Variants in PTDSS1 observed in about 807,000 individuals in gnomAD.
PTDSS1 encodes the protein PSS-1.
A neutral mutation model predicts 70.5 loss-of-function variants in PTDSS1; 45 were observed. The observed-to-expected ratio is 0.64, with a 90% confidence interval of 0.50 to 0.82. The LOEUF is 0.82. Ranked by LOEUF, PTDSS1 falls within the 40% of genes least tolerant of loss-of-function variation. The pLI, the probability that PTDSS1 is intolerant of heterozygous loss-of-function variation, is 0.00. For missense variants in PTDSS1, 417 were observed against 586.1 expected, an observed-to-expected ratio of 0.71 and a Z score of 2.98; for synonymous variants, 188 against 203.8, an observed-to-expected ratio of 0.92 and a Z score of 0.66.
intron 1 of PTDSS1, among the ~76,000 whole-genome samples, chr8:96,271,440 G>A (rs1216533768): frequency 1.3e-5 from 2 of 151,932 alleles, no homozygotes; most frequent in Non-Finnish European, 1.5e-5. Context: ...TTCTTTACTC[G>A]GTCTCTTTTT....
At chr8:96,279,917 T>C (rs1412606246) in intron 2 of PTDSS1, among the ~76,000 whole-genome samples, 2 of 152,188 alleles carry the variant, frequency 1.3e-5, no homozygotes, top group African/African-American at 4.8e-5. Context: ...CAAATTTTCC[T>C]AGAAGAACTC....
At chr8:96,270,795 C>T (rs1003547228) in intron 1 of PTDSS1, among the ~76,000 whole-genome samples, 55 of 152,064 alleles carry the variant, frequency 3.6e-4, no homozygotes, top group African/African-American at 1.3e-3. Context: ...TATTTTATTC[C>T]GTTTAATCAA....
At chr8:96,325,630 AC>A (rs1281443095) in intron 10 of PTDSS1, among the ~76,000 whole-genome samples, 1 of 152,050 alleles carries the variant, frequency 6.6e-6, no homozygotes, top group Non-Finnish European at 1.5e-5. Context: ...CTGTCAGGAC[AC>A]CCATTTTCTT....
chr8:96,289,430 CTG>C (rs1368969655), intron 4 of PTDSS1, among the ~76,000 whole-genome samples: 2 of 152,184 alleles, frequency 1.3e-5, no homozygotes, highest in Non-Finnish European at 2.9e-5. Context: ...GTGTCAGTAA[CTG>C]GGGTCAAAGA....
intron 2 of PTDSS1, among the ~76,000 whole-genome samples, chr8:96,281,698 G>A (rs1003347343): frequency 5.9e-5 from 9 of 152,022 alleles, no homozygotes; most frequent in African/African-American, 1.7e-4. Flanking sequence ...CTCAGATACC[G>A]TCTCTAACCC....
In PTDSS1 at chr8:96,284,130, C is replaced by T; in HGVS notation, c.293C>T (p.Pro98Leu). ...FPNGPFTRPHPALWRMVFGLS... is the reference protein window; with the variant it reads ...FPNGPFTRPHLALWRMVFGLS... ...GCAGGTCCGTTCACTCGACCTCATC[C>T]AGCCTTATGGCGAATGGTTTTTGGT... Residue 98 changes from proline to leucine, a missense_variant, in exon 3 of 13, where the codon CCA (proline) becomes CTA (leucine). By Grantham distance (98) the Pro-to-Leu change is moderately conservative (BLOSUM62 -3). Transcript: ENST00000517309. The T allele has an allele frequency of 6.2e-7, 1 of 1,610,460 alleles. No individual in the cohort carries two copies. Among genetic ancestry groups the T allele is most frequent in the Non-Finnish European group, 8.5e-7 (1 of 1,177,216 alleles).
intron 6 of PTDSS1, among the ~76,000 whole-genome samples, chr8:96,303,286 TG>T (rs1395491772): frequency 2.0e-5 from 3 of 152,174 alleles, no homozygotes; most frequent in East Asian, 3.9e-4. Context: ...ACGAGTTTGT[TG>T]GTGGATAGGT....
rs1409443884 is a variant in PTDSS1, at chr8:96,330,388, G to A, written c.1242+107G>A. 5 of 1,081,602 alleles carry A rather than the reference G, an allele frequency of 4.6e-6. No homozygotes were observed. In the East Asian group the frequency reaches 1.3e-4, roughly 28 times the overall value. The allele number at this position is 1,081,602 out of a possible 1,614,324, so 67.0% of individuals were successfully genotyped here. Reference sequence around the variant, plus strand: ...AAGGATATGGCGAGGTAAACACTGAGGTTGGGGCCTCCAGTCCTGCCACTG... The same window carrying A: ...AAGGATATGGCGAGGTAAACACTGAAGTTGGGGCCTCCAGTCCTGCCACTG... On this transcript the variant is annotated intron_variant, in intron 11 of 12. Coordinates refer to ENST00000517309, the MANE Select transcript of PTDSS1 (RefSeq NM_014754.3).
chr8:96,294,397 A>T (rs1810946668), intron 4 of PTDSS1, among the ~76,000 whole-genome samples: 1 of 152,230 alleles, frequency 6.6e-6, no homozygotes, highest in Non-Finnish European at 1.5e-5. Context: ...TCATATTGTC[A>T]TGCAGTCATA....
intron 2 of PTDSS1, chr8:96,283,615 TCACA>T (rs3060812): frequency 6.7e-5 from 10 of 149,970 alleles, no homozygotes; most frequent in Non-Finnish European, 1.3e-4. Context: ...TCTCTCTCTC[TCACA>T]CACACACACA....
At chr8:96,269,394 C>T (rs1810530507) in intron 1 of PTDSS1, among the ~76,000 whole-genome samples, 1 of 152,176 alleles carries the variant, frequency 6.6e-6, no homozygotes, top group Non-Finnish European at 1.5e-5. Context: ...CAGGGCACTG[C>T]AGACTGGGGC....
chr8:96,291,938 G>A (rs16894429), intron 4 of PTDSS1, among the ~76,000 whole-genome samples: 13,558 of 152,068 alleles, frequency 0.089, 1,934 homozygotes, highest in African/African-American at 0.3. Context: ...GTCAACATCA[G>A]TTTTAAGATG....
At chr8:96,286,726 G>A (rs546067193) in intron 3 of PTDSS1, among the ~76,000 whole-genome samples, 1 of 152,272 alleles carries the variant, frequency 6.6e-6, no homozygotes, top group South Asian at 2.1e-4. Context: ...CTACCTGAAT[G>A]TTGCGTGCAA....
chr8:96,327,311 G>A (rs1057097346), intron 10 of PTDSS1, among the ~76,000 whole-genome samples: 1 of 152,084 alleles, frequency 6.6e-6, no homozygotes, highest in Non-Finnish European at 1.5e-5. Flanking sequence ...GGCCGGGGAC[G>A]ATGAGCAGGA....
At chr8:96,317,595 C>T (rs1811313215) in intron 9 of PTDSS1, among the ~76,000 whole-genome samples, 2 of 151,824 alleles carry the variant, frequency 1.3e-5, no homozygotes, top group South Asian at 2.1e-4. Context: ...ATTAGCTGGG[C>T]GTAGTGCCGT....
At chr8:96,315,269 T>A (rs1239163403) in intron 9 of PTDSS1, among the ~76,000 whole-genome samples, 1 of 152,210 alleles carries the variant, frequency 6.6e-6, no homozygotes, top group Non-Finnish European at 1.5e-5. Context: ...GGGCCCTGGC[T>A]GCCAGGAGAG....
rs1563582954 is a variant in PTDSS1 at position 96,320,335 on chromosome 8, T to C, written c.1163T>C (p.Leu388Pro). Residue 388 changes from leucine to proline, a missense_variant, in exon 10 of 13, where the codon CTT becomes CCT. Transcript: ENST00000517309. Reference protein sequence around the residue: ...KTQILYVVLWLLCVAFTTFLC... With the variant: ...KTQILYVVLWPLCVAFTTFLC... The stretch of plus-strand genomic sequence containing the variant: ...CAAATACTCTATGTTGTGCTTTGGC[T>C]TCTTTGCGTGGTAAGTCACTGCATT... The C allele has an allele frequency of 1.2e-6, 2 of 1,608,150 alleles. No homozygotes were observed. The highest frequency in any genetic ancestry group is 8.5e-7 in the Non-Finnish European group (1 of 1,174,526).
chr8:96,310,753 G>A (rs146052274), intron 9 of PTDSS1, among the ~76,000 whole-genome samples: 95 of 151,988 alleles, frequency 6.3e-4, no homozygotes, highest in African/African-American at 2.3e-3. Context: ...GTCTTGTTAT[G>A]GATTCAAATG....
rs143718400 is a variant in PTDSS1, at chr8:96,321,613, T to C, written c.1173+1268T>C. ...TAATTTAACATATTTCTTTGTCCTC[T>C]GTATTTTCTGTAAGTCGGTAATTGG... is the stretch of plus-strand genomic sequence containing the variant. On this transcript the variant is annotated intron_variant, in intron 10 of 12. Transcript: ENST00000517309. Among the ~76,000 whole-genome samples, 32 of 152,360 alleles carry C rather than the reference T, an allele frequency of 2.1e-4. No individual in the cohort carries two copies. In the East Asian group the frequency reaches 6.0e-3, roughly 28 times the overall value.
Sources: allele counts gnomAD v4.1 joint callset (sites outside exome capture counted in the v4.1 genomes callset), GRCh38; gene constraint gnomAD v4.1.1; transcripts MANE v1.5; gene names NCBI Gene and HGNC (gene_info 2026-07-23, HGNC 2026-07-21).